The following GALNT13 variants were observed in gnomAD, a reference collection of about 807,000 sequenced individuals.
GALNT13 encodes polypeptide N-acetylgalactosaminyltransferase 13.
Under a neutral mutation model 64.2 loss-of-function variants are expected in GALNT13, and 28 were observed. That is an observed-to-expected ratio of 0.44 (90% CI 0.32 to 0.60). GALNT13 has a LOEUF of 0.60. Ranked by LOEUF, GALNT13 falls within the 20% of genes least tolerant of loss-of-function variation. GALNT13 has a pLI of 0.05. For synonymous variants in GALNT13, 214 were observed against 224.6 expected (o/e 0.95, Z 0.42); for missense variants, 577 against 669.8 (o/e 0.86, Z 1.53).
At chr2:153,566,401 TG>T in the GALNT13 span, among the ~76,000 whole-genome samples, 1 of 142,040 alleles carries the variant, frequency 7.0e-6, no homozygotes, top group African/African-American at 2.6e-5. Context: ...TTTGCCCAGG[TG>T]GGACTGCAGT....
the GALNT13 span, among the ~76,000 whole-genome samples, chr2:153,213,673 G>A: frequency 6.6e-6 from 1 of 152,128 alleles, no homozygotes; most frequent in Non-Finnish European, 1.5e-5. Context: ...TCCAGTCCCA[G>A]CTCTGTTATT....
the GALNT13 span, among the ~76,000 whole-genome samples, chr2:153,338,651 T>C: frequency 2.0e-5 from 3 of 152,324 alleles, no homozygotes; most frequent in East Asian, 5.8e-4. Context: ...ATCTACTCTC[T>C]TAGCAATTTT....
the GALNT13 span, among the ~76,000 whole-genome samples, chr2:153,631,942 T>C: frequency 6.6e-5 from 10 of 152,134 alleles, no homozygotes; most frequent in Admixed American, 6.6e-4. Context: ...TTTTATGGTT[T>C]TAAACCAATA....
At chr2:153,540,497 G>A in the GALNT13 span, among the ~76,000 whole-genome samples, 1 of 152,206 alleles carries the variant, frequency 6.6e-6, no homozygotes, top group Non-Finnish European at 1.5e-5. Context: ...GCCTAGCAGA[G>A]CTGTGAGGAG....
At chr2:153,087,830 C>T in the GALNT13 span, among the ~76,000 whole-genome samples, 2 of 152,066 alleles carry the variant, frequency 1.3e-5, no homozygotes, top group Non-Finnish European at 2.9e-5. Flanking sequence ...TGTTTCATGT[C>T]TAATTGAACT....
the GALNT13 span, among the ~76,000 whole-genome samples, chr2:153,323,259 C>T: frequency 2.0e-3 from 297 of 152,164 alleles, 1 homozygote; most frequent in African/African-American, 6.5e-3. Context: ...TGATGATGAG[C>T]TTTTTTTCAT....
At chr2:153,252,944 G>A in the GALNT13 span, among the ~76,000 whole-genome samples, 1 of 151,972 alleles carries the variant, frequency 6.6e-6, no homozygotes, top group Non-Finnish European at 1.5e-5. Flanking sequence ...GATTGACTTG[G>A]CGATGCAGGC....
the GALNT13 span, among the ~76,000 whole-genome samples, chr2:153,405,285 A>G: frequency 6.6e-6 from 1 of 152,188 alleles, no homozygotes; most frequent in African/African-American, 2.4e-5. Flanking sequence ...TTGGAAAGGA[A>G]TTGTGGTTCC....
At chr2:153,258,403 A>ACAAAACAAAACAAAC in the GALNT13 span, among the ~76,000 whole-genome samples, 1 of 151,014 alleles carries the variant, frequency 6.6e-6, no homozygotes, top group Non-Finnish European at 1.5e-5. Flanking sequence ...ACAAAACAAA[A>ACAAAACAAAACAAAC]CCCAACTTTT....
intron 11 of GALNT13, among the ~76,000 whole-genome samples, chr2:154,428,795 T>TA (rs1553532868): frequency 0.012 from 1,703 of 146,812 alleles, 31 homozygotes; most frequent in African/African-American, 0.042. Flanking sequence ...TTTTTTTTTT[T>TA]ATTTGAGATG....
At chr2:153,509,459 T>C in the GALNT13 span, among the ~76,000 whole-genome samples, 1 of 152,266 alleles carries the variant, frequency 6.6e-6, no homozygotes, top group Non-Finnish European at 1.5e-5. Flanking sequence ...CCTTTGCTTA[T>C]ATTTAAGAAC....
chr2:153,356,752 GACAAAGA>G, the GALNT13 span, among the ~76,000 whole-genome samples: 1 of 149,232 alleles, frequency 6.7e-6, no homozygotes, highest in Non-Finnish European at 1.5e-5. Context: ...AGGACAGAGA[GACAAAGA>G]AATAGAGATC....
At chr2:153,695,512 A>G in the GALNT13 span, among the ~76,000 whole-genome samples, 1 of 152,314 alleles carries the variant, frequency 6.6e-6, no homozygotes, top group Admixed American at 6.5e-5. Context: ...TAGCCCATTA[A>G]GTAAGAAGCA....
In GALNT13 at chr2:154,029,663, C is replaced by T. The variant is rs148621683; in HGVS notation, c.142+85024C>T. Among the ~76,000 whole-genome samples, 47 of 151,968 alleles carry T rather than the reference C, an allele frequency of 3.1e-4. 1 individual carries two copies. In the East Asian group the frequency reaches 8.9e-3, roughly 29 times the overall value. ...TTAGTTTTAAACAAAATGTACAAGA[C>T]GTGTACAATGGCAAGAAAAAAATGG... is the stretch of plus-strand genomic sequence containing the variant. On this transcript the variant is annotated intron_variant, in intron 3 of 12. Transcript: ENST00000392825.
chr2:153,690,888 A>G, the GALNT13 span, among the ~76,000 whole-genome samples: 1 of 152,110 alleles, frequency 6.6e-6, no homozygotes. Flanking sequence ...CGGTAGAATA[A>G]TACCCTCCAG....
intron 3 of GALNT13, among the ~76,000 whole-genome samples, chr2:153,974,119 C>A (rs373021245): frequency 2.1e-4 from 32 of 152,172 alleles, no homozygotes; most frequent in African/African-American, 7.2e-4. Context: ...ACACTGATGG[C>A]AGATAAATCT....
intron 4 of GALNT13, among the ~76,000 whole-genome samples, chr2:154,153,368 G>T (rs933008865): frequency 6.6e-6 from 1 of 152,136 alleles, no homozygotes; most frequent in African/African-American, 2.4e-5. Flanking sequence ...TAGGCTGCTC[G>T]GGGGTCAGGG....
chr2:154,398,861 C>T (rs1418602637), intron 10 of GALNT13, among the ~76,000 whole-genome samples: 4 of 152,164 alleles, frequency 2.6e-5, no homozygotes, highest in African/African-American at 9.7e-5. Flanking sequence ...CCTATGCCAA[C>T]AGTTATTCTA....
At chr2:153,593,884 A>G in the GALNT13 span, among the ~76,000 whole-genome samples, 2 of 152,130 alleles carry the variant, frequency 1.3e-5, no homozygotes, top group Admixed American at 6.6e-5. Flanking sequence ...GAAATCTTGT[A>G]CAGAGAGTAA....
Sources: gnomAD v4.1 joint callset for allele counts (sites outside exome capture counted in the v4.1 genomes callset) on GRCh38, gnomAD v4.1.1 for gene constraint, MANE v1.5 for transcripts, NCBI Gene and HGNC (gene_info 2026-07-23, HGNC 2026-07-21) for gene names.